SORCS2: variants seen among roughly 807,000 people sequenced by gnomAD.
SORCS2 encodes the protein VPS10 domain-containing receptor SorCS2.
A neutral mutation model predicts 141.6 loss-of-function variants in SORCS2; 100 were observed. The observed-to-expected ratio is 0.71, with a 90% CI of 0.60 to 0.83. The LOEUF is 0.83. Ranked by LOEUF, SORCS2 falls within the 40% of genes least tolerant of loss-of-function variation. The probability of loss-of-function intolerance (pLI) is 0.00; values close to 1 mark genes in which losing one functional copy is unlikely to be tolerated. For missense variants in SORCS2, 1,646 were observed against 1,560.2 expected, an observed-to-expected ratio of 1.05 and a Z score of -0.93; for synonymous variants, 789 against 676.9, an observed-to-expected ratio of 1.17 and a Z score of -2.57.
chr4:7,699,561 C>A (rs541630146), intron 12 of SORCS2, among the ~76,000 whole-genome samples: 1 of 152,138 alleles, frequency 6.6e-6, no homozygotes, highest in Non-Finnish European at 1.5e-5. Flanking sequence ...CTGCACCACA[C>A]CCTGCTGTTC....
At chr4:7,415,352 G>C (rs1405110629) in intron 2 of SORCS2, among the ~76,000 whole-genome samples, 1 of 152,180 alleles carries the variant, frequency 6.6e-6, no homozygotes, top group African/African-American at 2.4e-5. Flanking sequence ...GCCTTCTCCA[G>C]CTTCTAGAGT....
At chr4:7,451,669 G>A (rs1728472878) in intron 2 of SORCS2, among the ~76,000 whole-genome samples, 1 of 152,254 alleles carries the variant, frequency 6.6e-6, no homozygotes, top group African/African-American at 2.4e-5. Context: ...ACCCTCAACT[G>A]CCACCATAGG....
In SORCS2 at chr4:7,195,695, C is replaced by T. The variant is rs182056060; in HGVS notation, c.480+2569C>T. On this transcript the variant is annotated intron_variant, in intron 1 of 26. Transcript: ENST00000507866. ...GTAGTATTGTTTTCTCAGCACACGC[C>T]GTGTCTTAGAAATGTACTCTGCTCC... Among the ~76,000 whole-genome samples, 25 of 152,294 alleles carry T rather than the reference C, an allele frequency of 1.6e-4. No homozygotes were observed. The East Asian group carries it at 3.1e-3, about 19-fold the overall frequency.
At chr4:7,453,706 T>G (rs1728656839) in intron 2 of SORCS2, among the ~76,000 whole-genome samples, 1 of 98,956 alleles carries the variant, frequency 1.0e-5, no homozygotes. Context: ...GGCACTGTGT[T>G]GGGGTCAGGC....
intron 25 of SORCS2, among the ~76,000 whole-genome samples, chr4:7,734,816 C>T (rs1317212600): frequency 6.6e-6 from 1 of 152,228 alleles, no homozygotes; most frequent in Non-Finnish European, 1.5e-5. Context: ...CCCGCCCATC[C>T]CTTCCCTCCC....
At chr4:7,646,698 C>A (rs961457236) in intron 4 of SORCS2, among the ~76,000 whole-genome samples, 2 of 152,156 alleles carry the variant, frequency 1.3e-5, no homozygotes, top group South Asian at 4.1e-4. Flanking sequence ...GAGAAGGCGG[C>A]GTTTGCAAGC....
chr4:7,602,484 C>T lies in SORCS2; in HGVS notation c.649-35844C>T, dbSNP rs1474594224. Among the ~76,000 whole-genome samples the T allele has an allele frequency of 1.7e-4, 25 of 150,534 alleles. No homozygotes were observed. The South Asian group carries it at 2.5e-3, about 15-fold the overall frequency. Reference sequence around the variant, plus strand: ...GCTCCTCACATCCCAGACGGGGCGGCGGGGCAGAGGCGCTCCCCACATCTC... The same window carrying T: ...GCTCCTCACATCCCAGACGGGGCGGTGGGGCAGAGGCGCTCCCCACATCTC... On this transcript the variant is annotated intron_variant, in intron 3 of 26. Transcript: ENST00000507866.
At chr4:7,565,858 GATGGTGA>G (rs1714950348) in intron 3 of SORCS2, among the ~76,000 whole-genome samples, 1 of 149,654 alleles carries the variant, frequency 6.7e-6, no homozygotes, top group Non-Finnish European at 1.5e-5. Flanking sequence ...TGATGGTGAT[GATGGTGA>G]TGATGTGATG....
chr4:7,627,335 G>A (rs1361811185), intron 3 of SORCS2, among the ~76,000 whole-genome samples: 1 of 152,146 alleles, frequency 6.6e-6, no homozygotes, highest in South Asian at 2.1e-4. Context: ...ACAGTGGGAG[G>A]CGTCCTGCTG....
At chr4:7,387,703 C>T (rs920103813) in intron 1 of SORCS2, among the ~76,000 whole-genome samples, 11 of 149,876 alleles carry the variant, frequency 7.3e-5, no homozygotes, top group African/African-American at 1.5e-4. Flanking sequence ...TACACACGCA[C>T]ATGCACACAC....
chr4:7,491,354 T>C (rs28571001), intron 2 of SORCS2, among the ~76,000 whole-genome samples: 7,372 of 152,294 alleles, frequency 0.048, 401 homozygotes, highest in African/African-American at 0.14. Context: ...ACCCCACCCC[T>C]ACTCCTGCAG....
intron 26 of SORCS2, among the ~76,000 whole-genome samples, chr4:7,737,404 G>A (rs149333149): frequency 6.6e-5 from 10 of 152,206 alleles, no homozygotes; most frequent in South Asian, 4.1e-4. Flanking sequence ...ACATGTGGAC[G>A]CTGAGGGCCC....
At chr4:7,321,959 G>A (rs990466284) in intron 1 of SORCS2, among the ~76,000 whole-genome samples, 76 of 152,310 alleles carry the variant, frequency 5.0e-4, no homozygotes, top group African/African-American at 1.6e-3. Context: ...CATTTAGCCC[G>A]GGTGGCTGTA....
rs866591409 is a variant in SORCS2 at position 7,420,426 on chromosome 4, G to T, written c.548+24071G>T. On this transcript the variant is annotated intron_variant, in intron 2 of 26. Transcript: ENST00000507866. ...ATATCCTGGCTGGGCACAGGTCCCA[G>T]GAGAGCTAGCTGAGACTCAGAGAGT... is the stretch of plus-strand genomic sequence containing the variant. 1.6e-4 allele frequency among the ~76,000 whole-genome samples: 25 copies of T among 152,344 alleles called. No homozygotes were observed. The Middle Eastern group carries it at 0.01, about 62-fold the overall frequency.
chr4:7,388,055 CACAT>C (rs1300358788), intron 1 of SORCS2, among the ~76,000 whole-genome samples: 10 of 149,084 alleles, frequency 6.7e-5, no homozygotes, highest in African/African-American at 1.2e-4. Flanking sequence ...CACATGCACA[CACAT>C]ACAGTTACAC....
At chr4:7,420,670 C>T (rs1302084492) in intron 2 of SORCS2, among the ~76,000 whole-genome samples, 6 of 152,144 alleles carry the variant, frequency 3.9e-5, no homozygotes, top group Non-Finnish European at 8.8e-5. Context: ...CCCATTGCCT[C>T]CCCTGAGCCC....
intron 3 of SORCS2, among the ~76,000 whole-genome samples, chr4:7,554,862 G>A (rs1713987126): frequency 1.3e-5 from 2 of 152,172 alleles, no homozygotes; most frequent in East Asian, 3.9e-4. Flanking sequence ...CAAATGTAAA[G>A]GCATATTGGA....
chr4:7,721,085 C>T (rs907297189), intron 18 of SORCS2, among the ~76,000 whole-genome samples: 11 of 152,362 alleles, frequency 7.2e-5, no homozygotes, highest in African/African-American at 2.4e-4. Context: ...TCAAACCGCC[C>T]AGGTGCCCTG....
At chr4:7,508,581 A>G (rs1732417562) in intron 2 of SORCS2, among the ~76,000 whole-genome samples, 1 of 152,154 alleles carries the variant, frequency 6.6e-6, no homozygotes, top group Non-Finnish European at 1.5e-5. Flanking sequence ...CAGGTGATCC[A>G]TCCACCTTGG....
Sources: gnomAD v4.1 joint callset for allele counts (sites outside exome capture counted in the v4.1 genomes callset) on GRCh38, gnomAD v4.1.1 for gene constraint, MANE v1.5 for transcripts, NCBI Gene and HGNC (gene_info 2026-07-23, HGNC 2026-07-21) for gene names.